ACOX3: variants seen among roughly 807,000 people sequenced by gnomAD.
ACOX3 encodes the protein peroxisomal acyl-coenzyme A oxidase 3.
Under a neutral mutation model 81.5 loss-of-function variants are expected in ACOX3, and 73 were observed. That is an observed-to-expected ratio of 0.90 (90% CI 0.74 to 1.09). ACOX3 has a LOEUF of 1.09. Ranked by LOEUF, ACOX3 falls within the 50% of genes least tolerant of loss-of-function variation. The pLI, the probability that ACOX3 is intolerant of heterozygous loss-of-function variation, is 0.00. For synonymous variants in ACOX3, 387 were observed against 375.1 expected (o/e 1.03, Z -0.37); for missense variants, 947 against 928.0 (o/e 1.02, Z -0.27).
chr4:8,357,034 C>T, the ACOX3 span: 4 of 455,478 alleles, frequency 8.8e-6, no homozygotes, highest in South Asian at 4.7e-5. Flanking sequence ...AACGTGATCC[C>T]GGCAGGTGAG....
At position 8,414,762 on chromosome 4, in the gene ACOX3, G is replaced by T; in HGVS notation, c.453+92C>A. On this transcript the variant is annotated intron_variant, in intron 4 of 17. Coordinates refer to ENST00000356406, the MANE Select transcript of ACOX3 (RefSeq NM_003501.3). The surrounding 1 kb of genome is among the most constrained non-coding windows in gnomAD (Gnocchi z 6.1). ...AACAAGAAGAGCATAAGCCCCCTGG[G>T]CACCCCCTTCTACAATCTTCTCTTT... The T allele has an allele frequency of 7.7e-7, 1 of 1,299,540 alleles. No homozygotes were observed. The highest frequency in any genetic ancestry group is 1.1e-6 in the Non-Finnish European group (1 of 897,580). The allele number at this position is 1,299,540 out of a possible 1,614,324, so 80.5% of individuals were successfully genotyped here. A position where few individuals can be genotyped will look rare whatever the true frequency, so the allele number is the denominator to read the frequency against.
chr4:8,356,672 T>A, the ACOX3 span: 3 of 446,896 alleles, frequency 6.7e-6, no homozygotes, highest in East Asian at 2.1e-4. Flanking sequence ...AACCTGTTCC[T>A]GGCAGGTGAG....
rs1015351811 is a variant in ACOX3 at position 8,385,308 on chromosome 4, C to T, written c.1538-3701G>A. Among the ~76,000 whole-genome samples the T allele has an allele frequency of 1.1e-4, 17 of 151,968 alleles. 1 individual carries two copies. Among genetic ancestry groups the T allele is most frequent in the African/African-American group, 3.4e-4 (14 of 41,342 alleles). On this transcript the variant is annotated intron_variant, in intron 13 of 17. Transcript: ENST00000356406. This position sits in a 1 kb window ranked among gnomAD's most constrained non-coding sequence, Gnocchi z 5.5. ...ACCTCACCGCTCCCCCACGTGACTC[C>T]ACCGCTCACCTGTGACCTCACTGCT... is the stretch of plus-strand genomic sequence containing the variant.
rs1361461116 is a variant in ACOX3, at chr4:8,410,265, T to G, written c.634A>C (p.Lys212Gln). The change falls in exon 6 of 18, where the codon AAG becomes CAG. Residue 212 changes from lysine (K) to glutamine (Q), a missense_variant. Physicochemically the swap from Lys to Gln is moderately conservative, Grantham distance 53. Transcript: ENST00000356406. ...KTATHAVVFA[K>Q]LCVPGDQCHG... ...CACTGGTCCCCTGGCACACACAGCT[T>G]AGCAAACACCACCGCGTGAGTGGCT... The G allele has an allele frequency of 6.2e-7, 1 of 1,614,114 alleles. No homozygotes were observed. Among genetic ancestry groups the G allele is most frequent in the Admixed American group, 1.7e-5 (1 of 60,016 alleles).
At chr4:8,409,917 AGCTGTCTGTGCACTGTGGGCGCG>A (rs1451989496) in intron 6 of ACOX3, among the ~76,000 whole-genome samples, 143 of 128,288 alleles carry the variant, frequency 1.1e-3, no homozygotes, top group Middle Eastern at 5.6e-3. Flanking sequence ...CTGTGGGCGG[AGCTGTCTGTGCACTGTGGGCGCG>A]GCTGTCTGTG....
chr4:8,417,108 C>G (rs767507177), intron 1 of ACOX3, among the ~76,000 whole-genome samples: 5 of 152,282 alleles, frequency 3.3e-5, no homozygotes, highest in Non-Finnish European at 7.3e-5. Context: ...GCTAACACAG[C>G]AGGCCTCCCA....
rs141441328 is a variant in ACOX3, at chr4:8,368,164, C to T, written c.1984-1084G>A. Reference sequence around the variant, plus strand: ...GTGGCCACCAGCAGCAGGATGCCCTCGCCGAGTGGCCCTTACTGGCTGATT... The same window carrying T: ...GTGGCCACCAGCAGCAGGATGCCCTTGCCGAGTGGCCCTTACTGGCTGATT... On this transcript the variant is annotated intron_variant, in intron 17 of 17. Coordinates refer to ENST00000356406, the MANE Select transcript of ACOX3 (RefSeq NM_003501.3). This position sits in a 1 kb window ranked among gnomAD's most constrained non-coding sequence, Gnocchi z 5.9. Among the ~76,000 whole-genome samples, 1,668 of 152,348 alleles carry T rather than the reference C, an allele frequency of 0.011. 27 individuals carry two copies. The highest frequency in any genetic ancestry group is 0.034 in the African/African-American group (1,430 of 41,580).
chr4:8,381,389 G>A lies in ACOX3; in HGVS notation c.1653+103C>T. Reference sequence around the variant, plus strand: ...CTGCCCAAGGTCACGGGAGCTCGGGGTCTGGGGCCTGAATTGCCAGGATGT... The same window carrying A: ...CTGCCCAAGGTCACGGGAGCTCGGGATCTGGGGCCTGAATTGCCAGGATGT... On this transcript the variant is annotated intron_variant, in intron 14 of 17. Transcript: ENST00000356406. This position sits in a 1 kb window ranked among gnomAD's most constrained non-coding sequence, Gnocchi z 4.3. 3.9e-6 allele frequency: 4 copies of A among 1,028,338 alleles called. No homozygotes were observed. Among genetic ancestry groups the A allele is most frequent in the Admixed American group, 1.9e-5 (1 of 52,254 alleles). The allele number at this position is 1,028,338 out of a possible 1,614,324, so 63.7% of individuals were successfully genotyped here.
the ACOX3 span, among the ~76,000 whole-genome samples, chr4:8,359,805 C>A: frequency 6.6e-6 from 1 of 152,184 alleles, no homozygotes; most frequent in Non-Finnish European, 1.5e-5. This position sits in a 1 kb window ranked among gnomAD's most constrained non-coding sequence, Gnocchi z 6.0. Flanking sequence ...TCTCTCTGTG[C>A]AAACTGGTTG....
chr4:8,422,256 G>T (rs939935209), intron 1 of ACOX3, among the ~76,000 whole-genome samples: 7 of 151,904 alleles, frequency 4.6e-5, no homozygotes, highest in Non-Finnish European at 5.9e-5. Flanking sequence ...GAAAGAGAGA[G>T]ATATATAAGT....
At position 8,381,692 on chromosome 4, in the gene ACOX3, C is replaced by G; in HGVS notation, c.1538-85G>C. The G allele has an allele frequency of 1.0e-6, 1 of 1,001,532 alleles. No homozygotes were observed. The highest frequency in any genetic ancestry group is 1.4e-5 in the South Asian group (1 of 71,750). 62.0% of individuals were successfully genotyped at this position (1,001,532 alleles called of 1,614,324 possible). ...ACTCACCCCCAGGGACAAGGCACTG[C>G]CAGCATCCTGCAGGTACCAGGTTGT... On this transcript the variant is annotated intron_variant, in intron 13 of 17. Coordinates refer to ENST00000356406, the MANE Select transcript of ACOX3 (RefSeq NM_003501.3). This position sits in a 1 kb window ranked among gnomAD's most constrained non-coding sequence, Gnocchi z 4.3.
At chr4:8,436,100 A>G (rs547274722) in intron 1 of ACOX3, 3 of 152,310 alleles carry the variant, frequency 2.0e-5, no homozygotes, top group East Asian at 3.9e-4. Flanking sequence ...ACTTTCATCT[A>G]TCAGCCCTTT....
intron 6 of ACOX3, among the ~76,000 whole-genome samples, chr4:8,408,841 C>T (rs1274979626): frequency 7.2e-6 from 1 of 138,176 alleles, no homozygotes; most frequent in East Asian, 2.1e-4. Context: ...CCTGGACTTG[C>T]CATTGGCATC....
In ACOX3 at chr4:8,419,767, T is replaced by G. The variant is rs563975577; in HGVS notation, c.-14-3232A>C. Among the ~76,000 whole-genome samples, 4 of 152,262 alleles carry G rather than the reference T, an allele frequency of 2.6e-5. No individual in the cohort carries two copies. Among genetic ancestry groups the G allele is most frequent in the African/African-American group, 9.6e-5 (4 of 41,546 alleles). ...TTCTGGAGATGCCCATACTGAGTGT[T>G]CAACACTGAATTCAGCCTCTCAGCC... On this transcript the variant is annotated intron_variant, in intron 1 of 17. Coordinates refer to ENST00000356406, the MANE Select transcript of ACOX3 (RefSeq NM_003501.3). The surrounding 1 kb of genome is among the most constrained non-coding windows in gnomAD (Gnocchi z 4.2).
intron 7 of ACOX3, among the ~76,000 whole-genome samples, chr4:8,402,520 G>A (rs1308593598): frequency 6.6e-6 from 1 of 152,210 alleles, no homozygotes; most frequent in Non-Finnish European, 1.5e-5. Context: ...TTTTTAAGGA[G>A]TGGAAATTAT....
intron 15 of ACOX3, 56 bp downstream of exon 15, chr4:8,374,922 C>A: frequency 1.4e-6 from 2 of 1,447,244 alleles, no homozygotes; most frequent in Non-Finnish European, 1.8e-6. Context: ...TTCCTAGATA[C>A]AACACGGGGG....
intron 1 of ACOX3, among the ~76,000 whole-genome samples, chr4:8,421,653 A>G (rs1436996018): frequency 6.6e-6 from 1 of 152,226 alleles, no homozygotes; most frequent in Non-Finnish European, 1.5e-5. Context: ...TCTCCCAAGT[A>G]TTAGAGCAAG....
rs767892074 is a variant in ACOX3, at chr4:8,397,043, AGG to A, written c.948_949del (p.Leu317Ter). The A allele has an allele frequency of 1.2e-6, 2 of 1,609,676 alleles. No homozygotes were observed. Among genetic ancestry groups the A allele is most frequent in the Non-Finnish European group, 1.7e-6 (2 of 1,178,072 alleles). On this transcript the variant is annotated frameshift_variant, in exon 9 of 18. Transcript: ENST00000356406. LOFTEE classifies it high-confidence loss of function. ...GATGGCCACGGCCAGCTTTAGGTTA[AGG>A]ATGGCCAGGCTCACGATGGAGACCC... is the stretch of plus-strand genomic sequence containing the variant.
rs1233045960 is a variant in ACOX3 at position 8,384,176 on chromosome 4, G to A, written c.1538-2569C>T. Among the ~76,000 whole-genome samples the A allele has an allele frequency of 6.6e-6, 1 of 152,220 alleles. No individual in the cohort carries two copies. Among genetic ancestry groups the A allele is most frequent in the Non-Finnish European group, 1.5e-5 (1 of 68,042 alleles). On this transcript the variant is annotated intron_variant, in intron 13 of 17. Coordinates refer to ENST00000356406, the MANE Select transcript of ACOX3 (RefSeq NM_003501.3). The surrounding 1 kb of genome is among the most constrained non-coding windows in gnomAD (Gnocchi z 5.3). ...GATGGCCAGTTAGACTGTGCTGTGG[G>A]CTTCAAGTGAGAGGGACGCTTGAGA...
Sources: allele counts gnomAD v4.1 joint callset (sites outside exome capture counted in the v4.1 genomes callset), GRCh38; gene constraint gnomAD v4.1.1; non-coding constraint Gnocchi (gnomAD v3.1); transcripts MANE v1.5; gene names NCBI Gene and HGNC (gene_info 2026-07-23, HGNC 2026-07-21).